Variants in C17orf107 observed in about 807,000 individuals in gnomAD.
The protein encoded by C17orf107 is chromosome 17 open reading frame 107, also known as uncharacterized protein C17orf107.
A neutral mutation model predicts 8.9 loss-of-function variants in C17orf107; 9 were observed. The observed-to-expected ratio is 1.02, with a 90% CI of 0.61 to 1.77. The LOEUF is 1.77. Among genes scored for constraint, C17orf107 ranks in the 40% most tolerant of loss-of-function variants. The pLI is 0.00. For synonymous variants in C17orf107, 139 were observed against 120.3 expected (o/e 1.16, Z -1.02); for missense variants, 281 against 249.0 (o/e 1.13, Z -0.86).
rs984343953 is a variant in C17orf107 at position 4,899,946 on chromosome 17, A to C, written c.77A>C (p.Gln26Pro). The change falls in exon 2 of 3, where the codon CAG (glutamine) becomes CCG (proline). Residue 26 changes from glutamine (Q) to proline (P), a missense_variant. Physicochemically the swap from Gln to Pro is moderately conservative, Grantham distance 76. Coordinates refer to ENST00000381365, the MANE Select transcript of C17orf107 (RefSeq NM_001145536.2). ...HFHSSTEVAL[Q>P]PPLLSSLELS... is the part of the protein sequence containing the mutation. ...CTGCTCCTTCTCCAGGTGGCCCTCCAGCCCCCGCTTCTGTCTTCCCTGGAA... is the reference window on the plus strand; with the variant it reads ...CTGCTCCTTCTCCAGGTGGCCCTCCCGCCCCCGCTTCTGTCTTCCCTGGAA... 3 of 1,550,574 alleles carry C rather than the reference A, an allele frequency of 1.9e-6. No homozygotes were observed. Among genetic ancestry groups the C allele is most frequent in the Non-Finnish European group, 2.6e-6 (3 of 1,146,486 alleles).
Position 4,899,713 on chromosome 17 carries a change from C to T in C17orf107, c.-50C>T, listed in dbSNP as rs762331553. Reference sequence around the variant, plus strand: ...CCCTCCAGCTGCGCCCCCTACACGACGACAGACGCGTCCCCCAGCCCTTCT... The same window carrying T: ...CCCTCCAGCTGCGCCCCCTACACGATGACAGACGCGTCCCCCAGCCCTTCT... On this transcript the variant is annotated 5_prime_UTR_variant, in exon 1 of 3. The change creates a new upstream start codon in the 5' untranslated region. Coordinates refer to ENST00000381365, the MANE Select transcript of C17orf107 (RefSeq NM_001145536.2). 6.6e-7 allele frequency: 1 copy of T among 1,517,646 alleles called. No homozygotes were observed. Among genetic ancestry groups the T allele is most frequent in the South Asian group, 1.2e-5 (1 of 83,378 alleles). 94.0% of individuals were successfully genotyped at this position (1,517,646 alleles called of 1,614,324 possible). A position where few individuals can be genotyped will look rare whatever the true frequency, so the allele number is the denominator to read the frequency against.
rs1969948825 is a variant in C17orf107, at chr17:4,900,589, CT to C, written c.*57del. ...TGAGCCGGACTGTCCCCCAAGAGAG[CT>C]ACTCGGGAGACCTCCAGGTGACGTC... On this transcript the variant is annotated 3_prime_UTR_variant, in exon 3 of 3. Transcript: ENST00000381365. The C allele has an allele frequency of 1.3e-6, 2 of 1,544,338 alleles. No individual in the cohort carries two copies. Among genetic ancestry groups the C allele is most frequent in the Non-Finnish European group, 1.7e-6 (2 of 1,142,854 alleles).
At chr17:4,903,755 C>CA (rs1327998861), downstream of C17orf107, among the ~76,000 whole-genome samples, 1 of 152,146 alleles carries the variant, frequency 6.6e-6, no homozygotes, top group Non-Finnish European at 1.5e-5. Context: ...ACCTTGTGGT[C>CA]ACAGATGATA....
chr17:4,903,221 G>A (rs565596043), downstream of C17orf107: 2 of 770,662 alleles, frequency 2.6e-6, no homozygotes, highest in African/African-American at 3.4e-5. Flanking sequence ...GGACATTTTG[G>A]CTGCTTCCAG....
In C17orf107 at chr17:4,900,525, G is replaced by A. The variant is rs1156245229; in HGVS notation, c.565G>A (p.Val189Met). The A allele has an allele frequency of 2.6e-6, 4 of 1,550,686 alleles. No individual in the cohort carries two copies. Among genetic ancestry groups the A allele is most frequent in the African/African-American group, 2.7e-5 (2 of 73,066 alleles). Reference protein sequence around the residue: ...PGEPVSSGHGVS With the variant: ...PGEPVSSGHGMS ...AGAACCGGTGAGCTCAGGACACGGG[G>A]TGAGTTAGGGGCCAGAGGCGGCGGG... Residue 189 changes from valine (V) to methionine (M), a missense_variant, in exon 3 of 3, where the codon GTG (valine) becomes ATG (methionine). Coordinates refer to ENST00000381365, the MANE Select transcript of C17orf107 (RefSeq NM_001145536.2).
rs765713361 is a variant in C17orf107 at position 4,899,952 on chromosome 17, C to T, written c.83C>T (p.Pro28Leu). 7 of 1,550,958 alleles carry T rather than the reference C, an allele frequency of 4.5e-6. No individual in the cohort carries two copies. The highest frequency in any genetic ancestry group is 1.2e-5 in the South Asian group (1 of 83,994). ...HSSTEVALQP[P>L]LLSSLELSVA... ...CTTCTCCAGGTGGCCCTCCAGCCCCCGCTTCTGTCTTCCCTGGAACTCTCC... is the reference window on the plus strand; with the variant it reads ...CTTCTCCAGGTGGCCCTCCAGCCCCTGCTTCTGTCTTCCCTGGAACTCTCC... The change falls in exon 2 of 3, where the codon CCG becomes CTG. Residue 28 changes from proline to leucine, a missense_variant. Pro to Leu is a moderately conservative substitution (Grantham distance 98). Transcript: ENST00000381365.
rs978838277 is a variant in C17orf107, at chr17:4,900,104, G to A, written c.235G>A (p.Ala79Thr). ...CACCCTGGGGCTGGTGTTGAGAGAA[G>A]CCACAGCCAGCCTCGTGAGCTTCGG... is the stretch of plus-strand genomic sequence containing the variant. ...KPTLGLVLRE[A>T]TASLVSFGTT... is the part of the protein sequence containing the mutation. The change falls in exon 2 of 3, where the codon GCC (alanine) becomes ACC (threonine). Residue 79 changes from alanine (A) to threonine (T), a missense_variant. Transcript: ENST00000381365. 4.5e-6 allele frequency: 7 copies of A among 1,550,686 alleles called. No homozygotes were observed. Among genetic ancestry groups the A allele is most frequent in the Non-Finnish European group, 5.2e-6 (6 of 1,146,982 alleles).
In C17orf107 at chr17:4,901,132, G is replaced by T. The variant is rs1969971072; in HGVS notation, c.*599G>T. ...CAGTCTCCCCTGGGCCGTCGGTGGCGCCACCGTGGTGGCGGCGGATCACCC... is the reference window on the plus strand; with the variant it reads ...CAGTCTCCCCTGGGCCGTCGGTGGCTCCACCGTGGTGGCGGCGGATCACCC... On this transcript the variant is annotated 3_prime_UTR_variant, in exon 3 of 3. Transcript: ENST00000381365. The T allele has an allele frequency of 1.2e-6, 2 of 1,612,356 alleles. No homozygotes were observed. The highest frequency in any genetic ancestry group is 1.7e-6 in the Non-Finnish European group (2 of 1,179,916).
At chr17:4,903,181 T>C (rs1318690024), downstream of C17orf107, 1 of 990,432 alleles carries the variant, frequency 1.0e-6, no homozygotes, top group African/African-American at 1.6e-5. Context: ...GACTGTCACC[T>C]AATCCTCTGC....
At chr17:4,900,173 C>T (rs922816336) in intron 2 of C17orf107, 28 bp downstream of exon 2, 9 of 1,545,158 alleles carry the variant, frequency 5.8e-6, no homozygotes, top group Non-Finnish European at 7.0e-6. Context: ...TTAGGATACG[C>T]GGCGATCGGG....
At position 4,902,175 on chromosome 17, in the gene C17orf107, A is replaced by T; in HGVS notation, c.*1642A>T. The T allele has an allele frequency of 1.2e-6, 2 of 1,613,552 alleles. No homozygotes were observed. Among genetic ancestry groups the T allele is most frequent in the Non-Finnish European group, 1.7e-6 (2 of 1,179,520 alleles). Reference sequence around the variant, plus strand: ...CCCAACCAAGTCCAGCCCGCACCCCAGGCCGGCTTCCCTCCAGCCTGGCGT... The same window carrying T: ...CCCAACCAAGTCCAGCCCGCACCCCTGGCCGGCTTCCCTCCAGCCTGGCGT... On this transcript the variant is annotated 3_prime_UTR_variant, in exon 3 of 3. Coordinates refer to ENST00000381365, the MANE Select transcript of C17orf107 (RefSeq NM_001145536.2). This position sits in a 1 kb window ranked among gnomAD's most constrained non-coding sequence, Gnocchi z 4.0.
chr17:4,900,038 C>T lies in C17orf107; in HGVS notation c.169C>T (p.Pro57Ser). 1 of 1,551,414 alleles carries T rather than the reference C, an allele frequency of 6.4e-7. No individual in the cohort carries two copies. The highest frequency in any genetic ancestry group is 2.4e-5 in the East Asian group (1 of 40,886). The stretch of plus-strand genomic sequence containing the variant: ...CAGAGAGCTGAAGTCCCTGGAGCCA[C>T]CCGAACCGAAGATGCAGGGGATGCT... ...RFRELKSLEPPEPKMQGMLPA... is the reference protein window; with the variant it reads ...RFRELKSLEPSEPKMQGMLPA... The change falls in exon 2 of 3, where the codon CCC becomes TCC. Residue 57 changes from proline (P) to serine (S), a missense_variant. Physicochemically the swap from Pro to Ser is moderately conservative, Grantham distance 74 (BLOSUM62 -1). Coordinates refer to ENST00000381365, the MANE Select transcript of C17orf107 (RefSeq NM_001145536.2).
chr17:4,900,165 A>G lies in C17orf107; in HGVS notation c.276+20A>G, dbSNP rs1463905486. ...TTAGAGGTGGGGTACTGGGGGGCTT[A>G]GGATACGCGGCGATCGGGTAGCGGG... On this transcript the variant is annotated intron_variant, in intron 2 of 2. Coordinates refer to ENST00000381365, the MANE Select transcript of C17orf107 (RefSeq NM_001145536.2). 1 of 1,547,342 alleles carries G rather than the reference A, an allele frequency of 6.5e-7. No homozygotes were observed. The highest frequency in any genetic ancestry group is 2.0e-5 in the Admixed American group (1 of 50,790).
chr17:4,901,028 G>C lies in C17orf107; in HGVS notation c.*495G>C. The C allele has an allele frequency of 6.2e-7, 1 of 1,614,038 alleles. No homozygotes were observed. Among genetic ancestry groups the C allele is most frequent in the East Asian group, 2.2e-5 (1 of 44,872 alleles). ...GAAGTAGGCGAGCAGCACCAGGCCC[G>C]AGATGAGCACACAGGGCACGATGAT... On this transcript the variant is annotated 3_prime_UTR_variant, in exon 3 of 3. Transcript: ENST00000381365.
chr17:4,901,892 C>CCA lies in C17orf107; in HGVS notation c.*1360_*1361dup, dbSNP rs1555546939. The CCA allele has an allele frequency of 3.1e-6, 5 of 1,606,672 alleles. No individual in the cohort carries two copies. Among genetic ancestry groups the CCA allele is most frequent in the South Asian group, 1.1e-5 (1 of 90,860 alleles). On this transcript the variant is annotated 3_prime_UTR_variant, in exon 3 of 3. Transcript: ENST00000381365. ...TGGCCCCGCCCCATAAGGCCCCCCC[C>CCA]CAACAATAATCGTCCGGGCCTCGGA...
downstream of C17orf107, among the ~76,000 whole-genome samples, chr17:4,903,506 C>A (rs1382610811): frequency 6.6e-6 from 1 of 152,224 alleles, no homozygotes; most frequent in Non-Finnish European, 1.5e-5. Context: ...GGAACACACA[C>A]TATCACCACC....
downstream of C17orf107, among the ~76,000 whole-genome samples, chr17:4,904,923 G>C (rs1970072754): frequency 6.6e-6 from 1 of 152,130 alleles, no homozygotes; most frequent in Non-Finnish European, 1.5e-5. Context: ...TCCCTTTCTG[G>C]GTCTCTTTGA....
In C17orf107 at chr17:4,901,748, C is replaced by T. The variant is rs1351566710; in HGVS notation, c.*1215C>T. The T allele has an allele frequency of 1.6e-6, 2 of 1,252,684 alleles. No individual in the cohort carries two copies. Among genetic ancestry groups the T allele is most frequent in the Non-Finnish European group, 2.3e-6 (2 of 872,678 alleles). 77.6% of individuals were successfully genotyped at this position (1,252,684 alleles called of 1,614,324 possible). A position where few individuals can be genotyped will look rare whatever the true frequency, so the allele number is the denominator to read the frequency against. ...CCAAGCCCACCCCTTCACCCAAGCC[C>T]AGCCCGCACGCCTCTGTTCCCATCT... On this transcript the variant is annotated 3_prime_UTR_variant, in exon 3 of 3. Transcript: ENST00000381365.
At chr17:4,903,970 GC>G (rs1361863660), downstream of C17orf107, among the ~76,000 whole-genome samples, 13 of 152,262 alleles carry the variant, frequency 8.5e-5, no homozygotes, top group Non-Finnish European at 1.8e-4. Context: ...CGATTCTCCT[GC>G]CTCAACCTCT....
Sources: gnomAD v4.1 joint callset for allele counts (sites outside exome capture counted in the v4.1 genomes callset) on GRCh38, gnomAD v4.1.1 for gene constraint, Gnocchi (gnomAD v3.1) non-coding constraint, MANE v1.5 for transcripts, NCBI Gene and HGNC (gene_info 2026-07-23, HGNC 2026-07-21) for gene names.